ADGRD1: variants seen among roughly 807,000 people sequenced by gnomAD.
ADGRD1 encodes adhesion G protein-coupled receptor D1, also known as G-protein coupled receptor 133.
In ADGRD1, 77 loss-of-function variants were observed where a neutral mutation model predicts 113.4. That is an observed-to-expected ratio of 0.68 (90% CI 0.57 to 0.82). The LOEUF is 0.82. ADGRD1 is among the 40% of genes least tolerant of loss of function. ADGRD1 has a pLI of 0.00. For missense variants in ADGRD1, 1,036 were observed against 1,139.1 expected (o/e 0.91, Z 1.30); for synonymous variants, 474 against 475.0 (o/e 1.00, Z 0.03).
At chr12:130,970,289 G>A (rs1427234998) in intron 3 of ADGRD1, 1 of 152,202 alleles carries the variant, frequency 6.6e-6, no homozygotes, top group African/African-American at 2.4e-5. Context: ...ACTGTAAGGT[G>A]ATTGGCTTCC....
At chr12:131,097,462 GT>G in intron 15 of ADGRD1, among the ~76,000 whole-genome samples, 1 of 152,356 alleles carries the variant, frequency 6.6e-6, no homozygotes, top group South Asian at 2.1e-4. Flanking sequence ...TCCCCGGGCT[GT>G]CGGTTCATTT....
chr12:130,967,748 G>A (rs962792452), intron 3 of ADGRD1: 3 of 152,278 alleles, frequency 2.0e-5, no homozygotes, highest in Non-Finnish European at 2.9e-5. Flanking sequence ...AGGAGCACGC[G>A]CTCCGTGAAG....
intron 13 of ADGRD1, among the ~76,000 whole-genome samples, chr12:131,074,123 A>G (rs77365591): frequency 1.4e-4 from 22 of 152,354 alleles, no homozygotes; most frequent in Middle Eastern, 3.4e-3. Context: ...ACTTTGGTGT[A>G]CCTTGCTCAT....
rs570715801 is a variant in ADGRD1, at chr12:130,997,569, C to A, written c.967-2814C>A. 2.0e-3 allele frequency among the ~76,000 whole-genome samples: 305 copies of A among 149,692 alleles called. 1 individual carries two copies. The highest frequency in any genetic ancestry group is 7.3e-3 in the African/African-American group (296 of 40,320). On this transcript the variant is annotated intron_variant, in intron 8 of 24. Coordinates refer to ENST00000261654, the MANE Select transcript of ADGRD1 (RefSeq NM_198827.5). ...GGCGCTCCTCACATCCCAGACGGGG[C>A]GGCGGGGCAAAGGCGCTCCCCACAT...
At chr12:130,986,975 CCA>C (rs1873767530) in intron 5 of ADGRD1, 118 bp from the exon 6 acceptor site, 1 of 795,248 alleles carries the variant, frequency 1.3e-6, no homozygotes, top group African/African-American at 1.7e-5. Context: ...TTAGGACGCA[CCA>C]CAGTTAACAG....
intron 13 of ADGRD1, among the ~76,000 whole-genome samples, chr12:131,025,284 T>G (rs546914163): frequency 2.4e-4 from 36 of 152,306 alleles, no homozygotes; most frequent in African/African-American, 8.7e-4. Context: ...TCTAGGGTTT[T>G]GGGGTTTTTC....
chr12:131,051,172 G>A (rs907642747), intron 13 of ADGRD1, among the ~76,000 whole-genome samples: 1 of 152,234 alleles, frequency 6.6e-6, no homozygotes, highest in African/African-American at 2.4e-5. Flanking sequence ...TGCCCAGCTG[G>A]GGGAGGAAGA....
rs145065464 is a variant in ADGRD1, at chr12:131,006,036, C to T, written c.1320C>T (p.Pro440=). The T allele has an allele frequency of 4.3e-5, 70 of 1,612,768 alleles. No homozygotes were observed. The Middle Eastern group carries it at 8.2e-4, about 19-fold the overall frequency. ...ACTACTACCTGAACAACATCTGGCC[C>T]GCCCACACCAAGTGAGTCTCGGGGG... The part of the protein sequence containing the change: ...SMHYYLNNIW[P]AHTKIAEAMH... Residue 440 remains proline, a synonymous_variant, in exon 12 of 25, where the codon CCC becomes CCT. Coordinates refer to ENST00000261654, the MANE Select transcript of ADGRD1 (RefSeq NM_198827.5).
intron 15 of ADGRD1, among the ~76,000 whole-genome samples, chr12:131,102,293 G>C (rs1419818956): frequency 3.3e-5 from 5 of 152,252 alleles, no homozygotes; most frequent in African/African-American, 1.2e-4. Context: ...CCGTCGGTCT[G>C]CAGGTGGAGA....
In ADGRD1 at chr12:131,139,181, G is replaced by A. The variant is rs777981452; in HGVS notation, c.2543G>A (p.Arg848Gln). Residue 848 changes from arginine (R) to glutamine (Q), a missense_variant, in exon 25 of 25, where the codon CGG becomes CAG. Coordinates refer to ENST00000261654, the MANE Select transcript of ADGRD1 (RefSeq NM_198827.5). ...TATGCTTTGCAGATGAATGGGACCC[G>A]GCCAGGCATGGCCTCCACCAAGCTC... ...PFHSDLMNGT[R>Q]PGMASTKLSP... 22 of 1,612,854 alleles carry A rather than the reference G, an allele frequency of 1.4e-5. No individual in the cohort carries two copies. The highest frequency in any genetic ancestry group is 4.5e-5 in the East Asian group (2 of 44,870).
chr12:130,992,679 T>C (rs1034134426), intron 8 of ADGRD1, among the ~76,000 whole-genome samples: 10 of 152,326 alleles, frequency 6.6e-5, no homozygotes, highest in African/African-American at 2.2e-4. Flanking sequence ...GGGCGTGTGG[T>C]TGGCAACTCC....
chr12:131,055,046 T>G (rs912401222), intron 13 of ADGRD1, among the ~76,000 whole-genome samples: 5 of 152,250 alleles, frequency 3.3e-5, no homozygotes, highest in Non-Finnish European at 5.9e-5. Context: ...CATGGAAATT[T>G]TATTTAAGTT....
At chr12:131,093,872 C>G (rs560703352) in intron 15 of ADGRD1, among the ~76,000 whole-genome samples, 1 of 152,190 alleles carries the variant, frequency 6.6e-6, no homozygotes, top group Non-Finnish European at 1.5e-5. Context: ...TGGGTGGGAC[C>G]CTTTCCTTGT....
chr12:131,011,475 C>T (rs759933542), intron 12 of ADGRD1, among the ~76,000 whole-genome samples: 1 of 152,126 alleles, frequency 6.6e-6, no homozygotes, highest in Non-Finnish European at 1.5e-5. Flanking sequence ...TTCATCCACT[C>T]GCTCACTCAC....
In ADGRD1 at chr12:131,084,748, A is replaced by G; in HGVS notation, c.1671+85A>G. On this transcript the variant is annotated intron_variant, in intron 15 of 24. Transcript: ENST00000261654. The surrounding 1 kb of genome is among the most constrained non-coding windows in gnomAD (Gnocchi z 4.5). ...GGGGCGGGAGGATGCTTTGCCCGCCAGTGCCCACGGGCCCTGGGCACATTA... is the reference window on the plus strand; with the variant it reads ...GGGGCGGGAGGATGCTTTGCCCGCCGGTGCCCACGGGCCCTGGGCACATTA... The G allele has an allele frequency of 6.9e-7, 1 of 1,443,118 alleles. No homozygotes were observed. Among genetic ancestry groups the G allele is most frequent in the Non-Finnish European group, 9.6e-7 (1 of 1,046,744 alleles). The allele number at this position is 1,443,118 out of a possible 1,614,324, so 89.4% of individuals were successfully genotyped here. A position where few individuals can be genotyped will look rare whatever the true frequency, so the allele number is the denominator to read the frequency against.
chr12:131,052,626 A>AT (rs2137049250), intron 13 of ADGRD1, among the ~76,000 whole-genome samples: 1 of 92,348 alleles, frequency 1.1e-5, no homozygotes, highest in Admixed American at 1.3e-4. Flanking sequence ...GACCTAGGGA[A>AT]TGGGGAGTGG....
chr12:131,017,104 A>G (rs1878655054), intron 13 of ADGRD1, among the ~76,000 whole-genome samples: 1 of 152,016 alleles, frequency 6.6e-6, no homozygotes, highest in South Asian at 2.1e-4. Flanking sequence ...ACGGGCAGAG[A>G]GGGGAGGCAG....
At chr12:131,035,348 G>C (rs1437103326) in intron 13 of ADGRD1, 1 of 152,388 alleles carries the variant, frequency 6.6e-6, no homozygotes, top group South Asian at 2.1e-4. Flanking sequence ...CGTTGTGCTT[G>C]TCCTGACGTG....
At chr12:131,058,894 G>A (rs555787132) in intron 13 of ADGRD1, among the ~76,000 whole-genome samples, 1 of 152,280 alleles carries the variant, frequency 6.6e-6, no homozygotes, top group East Asian at 1.9e-4. Flanking sequence ...GAATCTGTGT[G>A]TTTATATGTT....
Sources: allele counts gnomAD v4.1 joint callset (sites outside exome capture counted in the v4.1 genomes callset), GRCh38; gene constraint gnomAD v4.1.1; non-coding constraint Gnocchi (gnomAD v3.1); transcripts MANE v1.5; gene names NCBI Gene and HGNC (gene_info 2026-07-23, HGNC 2026-07-21).